The following MIER1 variants were observed in gnomAD, a reference collection of about 807,000 sequenced individuals.
The protein encoded by MIER1 is mesoderm induction early response protein 1.
MIER1 carries 40 observed loss-of-function variants against 75.7 expected under a neutral mutation model. The observed-to-expected ratio is 0.53, with a 90% CI of 0.41 to 0.69. The LOEUF (loss-of-function observed/expected upper bound fraction) is 0.69, where lower values mean the gene tolerates loss of function less well. MIER1 is among the 30% of genes least tolerant of loss of function. The pLI is 0.00. For missense variants in MIER1, 574 were observed against 680.2 expected, an observed-to-expected ratio of 0.84 and a Z score of 1.74; for synonymous variants, 213 against 223.4, an observed-to-expected ratio of 0.95 and a Z score of 0.42.
chr1:66,925,246 G>C (rs1397151662), intron 1 of MIER1, 151 bp downstream of exon 1: 1 of 983,096 alleles, frequency 1.0e-6, no homozygotes, highest in African/African-American at 1.7e-5. Context: ...AGGGGCTGCC[G>C]CAGAACGCGC....
intron 10 of MIER1, among the ~76,000 whole-genome samples, chr1:66,972,115 G>C (rs552098777): frequency 6.6e-6 from 1 of 150,930 alleles, no homozygotes; most frequent in Non-Finnish European, 1.5e-5. Context: ...GTAACTTGGC[G>C]AAAGCAAACA....
intron 3 of MIER1, 24 bp from the exon 4 acceptor site, chr1:66,946,126 A>G (rs1657579287): frequency 6.3e-7 from 1 of 1,579,696 alleles, no homozygotes; most frequent in Non-Finnish European, 8.5e-7. Flanking sequence ...GGTTTACCAA[A>G]CTTTTTGAAA....
Position 66,985,572 on chromosome 1 carries a change from G to A in MIER1, c.*672G>A. ...TCTGTATTTTTCCAGATTCTTTGTAGCCTTTGAAAGATTTTTACAGTACAT... is the reference window on the plus strand; with the variant it reads ...TCTGTATTTTTCCAGATTCTTTGTAACCTTTGAAAGATTTTTACAGTACAT... On this transcript the variant is annotated 3_prime_UTR_variant, in exon 14 of 14. Coordinates refer to ENST00000401041, the MANE Select transcript of MIER1 (RefSeq NM_001077700.3). The A allele has an allele frequency of 1.0e-6, 1 of 985,178 alleles. No individual in the cohort carries two copies. Among genetic ancestry groups the A allele is most frequent in the African/African-American group, 1.7e-5 (1 of 57,310 alleles). 61.0% of individuals were successfully genotyped at this position (985,178 alleles called of 1,614,324 possible).
At chr1:66,965,923 C>T (rs1662290264) in intron 8 of MIER1, among the ~76,000 whole-genome samples, 1 of 152,172 alleles carries the variant, frequency 6.6e-6, no homozygotes, top group Non-Finnish European at 1.5e-5. Flanking sequence ...CTTGTCTTTT[C>T]CGTGCCTGAC....
chr1:66,947,367 G>T (rs992827468), intron 4 of MIER1: 1 of 152,080 alleles, frequency 6.6e-6, no homozygotes, highest in South Asian at 2.1e-4. Context: ...GTCCAAAACA[G>T]AACTATTGAC....
chr1:66,977,284 A>G (rs887169014), intron 12 of MIER1, among the ~76,000 whole-genome samples: 2 of 151,752 alleles, frequency 1.3e-5, no homozygotes, highest in Admixed American at 1.3e-4. Context: ...TAATTTTTGA[A>G]TTTTTATTAG....
intron 2 of MIER1, chr1:66,930,442 C>G: frequency 6.3e-7 from 1 of 1,599,762 alleles, no homozygotes; most frequent in Non-Finnish European, 8.5e-7. Flanking sequence ...GAGCCGGGCG[C>G]CCCCGGCCCT....
intron 7 of MIER1, among the ~76,000 whole-genome samples, chr1:66,960,909 C>A (rs1261342094): frequency 6.6e-6 from 1 of 152,024 alleles, no homozygotes; most frequent in East Asian, 1.9e-4. Flanking sequence ...AAATTGCTGT[C>A]CCACTTCATA....
chr1:66,932,338 T>G (rs1653625368), intron 2 of MIER1, among the ~76,000 whole-genome samples: 1 of 152,224 alleles, frequency 6.6e-6, no homozygotes. Flanking sequence ...TGGTTTTTAG[T>G]GTTTATTTAA....
intron 2 of MIER1, chr1:66,932,937 A>G (rs979133458): frequency 6.6e-6 from 1 of 152,114 alleles, no homozygotes. Flanking sequence ...AGTGCTTTAG[A>G]TGAGAATAGG....
rs2102181256 is a variant in MIER1, at chr1:66,987,738, A to T, written c.*2838A>T. 1 of 152,360 alleles carries T rather than the reference A, an allele frequency of 6.6e-6. No individual in the cohort carries two copies. The highest frequency in any genetic ancestry group is 2.1e-4 in the South Asian group (1 of 4,824). The allele number at this position is 152,360 out of a possible 1,614,324, so 9.4% of individuals were successfully genotyped here. On this transcript the variant is annotated 3_prime_UTR_variant, in exon 14 of 14. Coordinates refer to ENST00000401041, the MANE Select transcript of MIER1 (RefSeq NM_001077700.3). ...TAAGATTTTATTAGAGATTGTTTGA[A>T]TGATGCATGTTATTGACAAGGCAAA...
In MIER1 at chr1:66,975,512, C is replaced by T. The variant is rs1570491435; in HGVS notation, c.1102-1083C>T. Among the ~76,000 whole-genome samples the T allele has an allele frequency of 2.0e-5, 3 of 150,700 alleles. No homozygotes were observed. The East Asian group carries it at 5.8e-4, about 29-fold the overall frequency. Reference sequence around the variant, plus strand: ...CTGTACTCCAGCCTGGGCAACAGAGCATGACACTATCTCAAAAAAAAAAGA... The same window carrying T: ...CTGTACTCCAGCCTGGGCAACAGAGTATGACACTATCTCAAAAAAAAAAGA... On this transcript the variant is annotated intron_variant, in intron 11 of 13. Coordinates refer to ENST00000401041, the MANE Select transcript of MIER1 (RefSeq NM_001077700.3).
chr1:66,940,256 T>A, intron 3 of MIER1: 1 of 358,244 alleles, frequency 2.8e-6, no homozygotes, highest in Non-Finnish European at 4.9e-6. Context: ...TAAAAATGAC[T>A]ATTTTTGGGT....
At chr1:66,926,096 T>C in intron 1 of MIER1, 46 bp from the exon 2 acceptor site, 1 of 1,457,916 alleles carries the variant, frequency 6.9e-7, no homozygotes, top group Non-Finnish European at 9.6e-7. Flanking sequence ...GCTTGTATCA[T>C]CGTTTCTGTC....
intron 8 of MIER1, among the ~76,000 whole-genome samples, chr1:66,965,211 GTATT>G (rs906887376): frequency 6.6e-6 from 1 of 152,068 alleles, no homozygotes; most frequent in African/African-American, 2.4e-5. Context: ...GTTGGCTTTT[GTATT>G]TATTTTTGTA....
intron 2 of MIER1, among the ~76,000 whole-genome samples, chr1:66,932,050 TTC>T (rs778623289): frequency 2.8e-4 from 42 of 152,174 alleles, no homozygotes; most frequent in Non-Finnish European, 4.6e-4. Flanking sequence ...AATTTAAAAT[TTC>T]TGTGTTTTTA....
chr1:66,983,585 G>GAATTTGTATTTACTTTTTAAGT (rs566007767), intron 13 of MIER1, among the ~76,000 whole-genome samples: 4 of 151,960 alleles, frequency 2.6e-5, no homozygotes, highest in Admixed American at 1.3e-4. Flanking sequence ...ACCTACTATA[G>GAATTTGTATTTACTTTTTAAGT]AATTTGTATT....
intron 2 of MIER1, among the ~76,000 whole-genome samples, chr1:66,928,340 T>C (rs1184223693): frequency 6.6e-6 from 1 of 152,278 alleles, no homozygotes; most frequent in Middle Eastern, 3.4e-3. Flanking sequence ...CTCTTTATCA[T>C]AGTTGGGATT....
At chr1:66,945,392 C>G (rs1657384114) in intron 3 of MIER1, among the ~76,000 whole-genome samples, 1 of 148,690 alleles carries the variant, frequency 6.7e-6, no homozygotes, top group Non-Finnish European at 1.5e-5. Flanking sequence ...AGGAAAAACG[C>G]CTGTACGTGT....
Sources: allele counts gnomAD v4.1 joint callset (sites outside exome capture counted in the v4.1 genomes callset), GRCh38; gene constraint gnomAD v4.1.1; transcripts MANE v1.5; gene names NCBI Gene and HGNC (gene_info 2026-07-23, HGNC 2026-07-21).